The following HRH1 variants were observed in gnomAD, a reference collection of about 807,000 sequenced individuals.
HRH1 encodes histamine H1 receptor.
A neutral mutation model predicts 10.3 loss-of-function variants in HRH1; 6 were observed. The observed-to-expected ratio is 0.58, with a 90% CI of 0.32 to 1.15. The LOEUF is 1.15. HRH1 is among the 50% of genes most tolerant of loss of function. The pLI, the probability that HRH1 is intolerant of heterozygous loss-of-function variation, is 0.05. For missense variants in HRH1, 514 were observed against 615.3 expected (o/e 0.84, Z 1.74); for synonymous variants, 242 against 236.7 (o/e 1.02, Z -0.21).
chr3:11,181,191 AG>A (rs1937345488), intron 1 of HRH1, among the ~76,000 whole-genome samples: 1 of 152,184 alleles, frequency 6.6e-6, no homozygotes, highest in Admixed American at 6.5e-5. Flanking sequence ...GCTGAGAGGC[AG>A]GAGGATCTCC....
intron 1 of HRH1, among the ~76,000 whole-genome samples, chr3:11,170,775 A>G (rs1054019159): frequency 6.6e-6 from 1 of 152,208 alleles, no homozygotes; most frequent in Non-Finnish European, 1.5e-5. Context: ...GGAAAATTTC[A>G]AAGAGGAATA....
rs536078839 is a variant in HRH1, at chr3:11,204,868, G to T, written c.-36+50314G>T. ...CCTGGATGTACCAGGTGCAGTCCCC[G>T]CTGGGTAGCGCCTGGCCCCTCCTTT... On this transcript the variant is annotated intron_variant, in intron 1 of 1. Transcript: ENST00000431010. Among the ~76,000 whole-genome samples, 3 of 152,266 alleles carry T rather than the reference G, an allele frequency of 2.0e-5. No individual in the cohort carries two copies. The South Asian group carries it at 6.2e-4, about 32-fold the overall frequency.
chr3:11,219,232 G>A (rs1400565196), intron 1 of HRH1, among the ~76,000 whole-genome samples: 2 of 152,110 alleles, frequency 1.3e-5, no homozygotes, highest in African/African-American at 4.8e-5. Context: ...AAATACCTCA[G>A]GGAGCAGTGA....
chr3:11,143,942 T>C (rs1559249396), intron 1 of HRH1, among the ~76,000 whole-genome samples: 2 of 152,030 alleles, frequency 1.3e-5, no homozygotes, highest in African/African-American at 4.8e-5. Flanking sequence ...CAAAAAAATA[T>C]AAAAAAATGC....
intron 1 of HRH1, among the ~76,000 whole-genome samples, chr3:11,254,689 G>A (rs1021827376): frequency 5.3e-5 from 8 of 152,312 alleles, no homozygotes; most frequent in East Asian, 3.9e-4. Context: ...GACCCTCCCC[G>A]GAGGAGAATG....
intron 1 of HRH1, among the ~76,000 whole-genome samples, chr3:11,202,742 G>T (rs563100928): frequency 6.6e-5 from 10 of 152,308 alleles, no homozygotes; most frequent in African/African-American, 2.2e-4. Context: ...TGTTACCACG[G>T]ATGAGCCTAC....
intron 1 of HRH1, among the ~76,000 whole-genome samples, chr3:11,213,551 G>T (rs1485304052): frequency 6.6e-6 from 1 of 152,068 alleles, no homozygotes; most frequent in Non-Finnish European, 1.5e-5. Flanking sequence ...GTGTAGGGAG[G>T]GTTCCTTCCT....
At chr3:11,187,737 T>C (rs1425967934) in intron 1 of HRH1, among the ~76,000 whole-genome samples, 1 of 152,200 alleles carries the variant, frequency 6.6e-6, no homozygotes, top group African/African-American at 2.4e-5. Flanking sequence ...CAATCCCAAC[T>C]CCTACGATGA....
rs1051903498 is a variant in HRH1 at position 11,261,607 on chromosome 3, T to A, written c.*1106T>A. On this transcript the variant is annotated 3_prime_UTR_variant, in exon 2 of 2. Coordinates refer to ENST00000431010, the MANE Select transcript of HRH1 (RefSeq NM_001098212.2). ...ATCCCAGCATGTTGAGAGGCTGAGG[T>A]GGGCAGATCATTTGAGGCCAGGAGT... is the stretch of plus-strand genomic sequence containing the variant. The A allele has an allele frequency of 1.2e-5, 2 of 166,896 alleles. No individual in the cohort carries two copies. The highest frequency in any genetic ancestry group is 6.5e-5 in the Admixed American group (1 of 15,268). The allele number at this position is 166,896 out of a possible 1,614,324, so 10.3% of individuals were successfully genotyped here. A position where few individuals can be genotyped will look rare whatever the true frequency, so the allele number is the denominator to read the frequency against.
In HRH1 at chr3:11,259,319, A is replaced by C. The variant is rs202234044; in HGVS notation, c.282A>C (p.Ser94=). The C allele has an allele frequency of 6.2e-7, 1 of 1,613,420 alleles. No individual in the cohort carries two copies. The highest frequency in any genetic ancestry group is 8.5e-7 in the Non-Finnish European group (1 of 1,179,968). Residue 94 remains serine (S), a synonymous_variant, in exon 2 of 2, where the codon TCA becomes TCC. Coordinates refer to ENST00000431010, the MANE Select transcript of HRH1 (RefSeq NM_001098212.2). The surrounding 1 kb of genome is among the most constrained non-coding windows in gnomAD (Gnocchi z 4.6). The stretch of plus-strand genomic sequence containing the variant: ...TCTACCTGCTCATGTCCAAGTGGTC[A>C]CTGGGCCGTCCTCTCTGCCTCTTTT... The part of the protein sequence containing the change: ...NILYLLMSKW[S]LGRPLCLFWL...
chr3:11,219,950 G>GTTTT (rs552227637), intron 1 of HRH1, among the ~76,000 whole-genome samples: 6 of 110,334 alleles, frequency 5.4e-5, no homozygotes, highest in Non-Finnish European at 5.7e-5. Context: ...TTAATGTGTT[G>GTTTT]TTTTTTTTTT....
At chr3:11,229,278 G>A (rs1179928361) in intron 1 of HRH1, among the ~76,000 whole-genome samples, 1 of 152,154 alleles carries the variant, frequency 6.6e-6, no homozygotes, top group Non-Finnish European at 1.5e-5. Flanking sequence ...CTGGAGAAGA[G>A]AATACTGTGT....
intron 1 of HRH1, among the ~76,000 whole-genome samples, chr3:11,186,859 T>G (rs1229355064): frequency 6.6e-6 from 1 of 152,180 alleles, no homozygotes; most frequent in Non-Finnish European, 1.5e-5. Context: ...TTAGTATGTA[T>G]GAAAGGTGGC....
At chr3:11,154,028 C>G (rs901436906), upstream of HRH1, among the ~76,000 whole-genome samples, 3 of 152,186 alleles carry the variant, frequency 2.0e-5, no homozygotes, top group Admixed American at 6.5e-5. This position sits in a 1 kb window ranked among gnomAD's most constrained non-coding sequence, Gnocchi z 4.4. Flanking sequence ...CACTATTTGT[C>G]TTTTTCAATC....
intron 1 of HRH1, among the ~76,000 whole-genome samples, chr3:11,251,735 A>G (rs1478218317): frequency 6.6e-6 from 1 of 152,216 alleles, no homozygotes. Context: ...CTAACAAGAT[A>G]GCCTTGTATT....
chr3:11,191,261 C>T (rs766087351), intron 1 of HRH1, among the ~76,000 whole-genome samples: 35 of 152,284 alleles, frequency 2.3e-4, no homozygotes, highest in Non-Finnish European at 3.2e-4. Context: ...ACATATCCTG[C>T]TACTAAAACC....
chr3:11,160,598 C>G (rs1574980856), intron 1 of HRH1, among the ~76,000 whole-genome samples: 1 of 152,306 alleles, frequency 6.6e-6, no homozygotes, highest in East Asian at 1.9e-4. Context: ...AATCTTTCTT[C>G]CTTTCTTCCC....
At chr3:11,190,810 G>A (rs1937520218) in intron 1 of HRH1, among the ~76,000 whole-genome samples, 1 of 152,158 alleles carries the variant, frequency 6.6e-6, no homozygotes, top group South Asian at 2.1e-4. Context: ...TGCTCACGTT[G>A]AGCAGCCAGT....
At chr3:11,234,120 C>A in intron 1 of HRH1, 1 of 617,522 alleles carries the variant, frequency 1.6e-6, no homozygotes, top group Non-Finnish European at 2.8e-6. Context: ...CCCTGATCAT[C>A]AAAATAAGTT....
Sources: allele counts gnomAD v4.1 joint callset (sites outside exome capture counted in the v4.1 genomes callset), GRCh38; gene constraint gnomAD v4.1.1; non-coding constraint Gnocchi (gnomAD v3.1); transcripts MANE v1.5; gene names NCBI Gene and HGNC (gene_info 2026-07-23, HGNC 2026-07-21).